The following MCTP2 variants were observed in gnomAD, a reference collection of about 807,000 sequenced individuals.
The protein encoded by MCTP2 is multiple C2 and transmembrane domain-containing protein 2.
Under a neutral mutation model 111.6 loss-of-function variants are expected in MCTP2, and 132 were observed. The observed-to-expected ratio is 1.18, with a 90% CI of 1.03 to 1.37. MCTP2 has a LOEUF of 1.37. Ranked by LOEUF, MCTP2 falls within the 40% of genes most tolerant of loss-of-function variation. The probability of loss-of-function intolerance (pLI) is 0.00; values close to 1 mark genes in which losing one functional copy is unlikely to be tolerated. For missense variants in MCTP2, 1,183 were observed against 1,067.9 expected, an observed-to-expected ratio of 1.11 and a Z score of -1.50; for synonymous variants, 395 against 387.7, an observed-to-expected ratio of 1.02 and a Z score of -0.22.
chr15:94,455,713 C>CCATG (rs2084788581), intron 19 of MCTP2, among the ~76,000 whole-genome samples: 1 of 152,312 alleles, frequency 6.6e-6, no homozygotes, highest in Non-Finnish European at 1.5e-5. Flanking sequence ...GCGTGAGCCA[C>CCATG]CATGCCCAGC....
intron 19 of MCTP2, among the ~76,000 whole-genome samples, chr15:94,447,046 A>ATT (rs1444223015): frequency 1.3e-5 from 2 of 152,230 alleles, no homozygotes; most frequent in Admixed American, 1.3e-4. Context: ...CATCATTAAA[A>ATT]TTTAAGTACA....
At chr15:94,370,210 CTTTA>C in intron 12 of MCTP2, 30 bp downstream of exon 12, 3 of 1,551,158 alleles carry the variant, frequency 1.9e-6, no homozygotes, top group Non-Finnish European at 2.6e-6. Flanking sequence ...TCTAATTTAT[CTTTA>C]TTTATTTCCT....
At chr15:94,390,098 A>ATATG (rs796755565) in intron 14 of MCTP2, among the ~76,000 whole-genome samples, 8,136 of 34,144 alleles carry the variant, frequency 0.24, 793 homozygotes, top group Admixed American at 0.39. Flanking sequence ...ATGTATATAT[A>ATATG]TATATATATA....
chr15:94,424,187 TG>T (rs1419031895), intron 17 of MCTP2, among the ~76,000 whole-genome samples: 2 of 152,238 alleles, frequency 1.3e-5, no homozygotes, highest in Non-Finnish European at 2.9e-5. Flanking sequence ...GTATCGTTTT[TG>T]ATATTCATCT....
At chr15:94,470,228 TAA>T in intron 20 of MCTP2, 103 bp from the exon 21 acceptor site, 1 of 886,026 alleles carries the variant, frequency 1.1e-6, no homozygotes, top group Non-Finnish European at 1.8e-6. Context: ...CAATAGACTG[TAA>T]AAAAAATTTC....
chr15:94,467,270 A>AAAGAGTGGGTTTTGTTGC (rs2073432026), intron 20 of MCTP2, among the ~76,000 whole-genome samples: 2 of 152,260 alleles, frequency 1.3e-5, no homozygotes, highest in African/African-American at 4.8e-5. Context: ...CAGGGTGAAA[A>AAAGAGTGGGTTTTGTTGC]AAGAGTGGGT....
rs772155714 is a variant in MCTP2, at chr15:94,298,684, A to G, written c.419A>G (p.Asp140Gly). Residue 140 changes from aspartate to glycine, a missense_variant, in exon 2 of 23, where the codon GAT (aspartate) becomes GGT (glycine). By Grantham distance (94) the Asp-to-Gly change is moderately conservative. Coordinates refer to ENST00000357742, the MANE Select transcript of MCTP2 (RefSeq NM_001385001.1). ...RRRVSSNGIF[D>G]LQKTSLGGDA... ...CGGGTGTCCAGCAACGGCATCTTTG[A>G]TCTTCAGAAAACTTCCCTTGGAGGG... 3 of 1,613,104 alleles carry G rather than the reference A, an allele frequency of 1.9e-6. No homozygotes were observed. The highest frequency in any genetic ancestry group is 2.5e-6 in the Non-Finnish European group (3 of 1,179,736).
intron 19 of MCTP2, among the ~76,000 whole-genome samples, chr15:94,454,895 A>G (rs1596772705): frequency 6.6e-6 from 1 of 152,104 alleles, no homozygotes; most frequent in Admixed American, 6.5e-5. Flanking sequence ...ATCTTGCCTC[A>G]CCGCAACCTC....
intron 1 of MCTP2, among the ~76,000 whole-genome samples, chr15:94,236,407 C>T (rs1048675251): frequency 3.2e-4 from 14 of 44,416 alleles, no homozygotes; most frequent in East Asian, 7.6e-4. Flanking sequence ...TTTTTTTTTA[C>T]GAAATAGCCC....
intron 8 of MCTP2, 109 bp downstream of exon 8, chr15:94,345,273 T>C (rs1013195728): frequency 2.7e-6 from 3 of 1,107,580 alleles, no homozygotes; most frequent in South Asian, 1.4e-5. Flanking sequence ...TCAAACAGAA[T>C]TCTTTTCCTC....
chr15:94,462,283 G>A (rs952102663), intron 20 of MCTP2, among the ~76,000 whole-genome samples: 2 of 152,208 alleles, frequency 1.3e-5, no homozygotes, highest in African/African-American at 4.8e-5. Context: ...AGCTCATGTG[G>A]TTGAATGAAT....
intron 2 of MCTP2, among the ~76,000 whole-genome samples, chr15:94,307,275 G>C (rs1424836238): frequency 6.6e-6 from 1 of 152,178 alleles, no homozygotes; most frequent in Admixed American, 6.5e-5. Context: ...AGGTGCTGGG[G>C]GGGAGGTGTT....
At chr15:94,251,499 C>T (rs561195491) in intron 1 of MCTP2, among the ~76,000 whole-genome samples, 2 of 152,040 alleles carry the variant, frequency 1.3e-5, no homozygotes, top group East Asian at 3.9e-4. Flanking sequence ...GCTAGGATTA[C>T]AGGTGCCCGC....
intron 1 of MCTP2, among the ~76,000 whole-genome samples, chr15:94,292,668 G>A (rs2075087019): frequency 6.6e-6 from 1 of 152,186 alleles, no homozygotes; most frequent in Non-Finnish European, 1.5e-5. Context: ...ACTAAACATA[G>A]TAAATATGTC....
At chr15:94,316,600 A>G (rs1427194962) in intron 4 of MCTP2, among the ~76,000 whole-genome samples, 1 of 152,198 alleles carries the variant, frequency 6.6e-6, no homozygotes, top group African/African-American at 2.4e-5. Flanking sequence ...AACGTCCAGT[A>G]TTCAATTGAG....
chr15:94,417,520 T>C (rs1395773603), intron 17 of MCTP2, among the ~76,000 whole-genome samples: 6 of 152,120 alleles, frequency 3.9e-5, no homozygotes, highest in South Asian at 4.1e-4. Flanking sequence ...CGTGTGTGTG[T>C]GCGCACATGT....
chr15:94,375,077 T>C (rs534635596), intron 12 of MCTP2, among the ~76,000 whole-genome samples: 2 of 152,312 alleles, frequency 1.3e-5, no homozygotes, highest in South Asian at 4.1e-4. Context: ...CAGCTTCTGC[T>C]TCTTGGGAAG....
intron 1 of MCTP2, among the ~76,000 whole-genome samples, chr15:94,274,861 A>G (rs2074104758): frequency 6.6e-6 from 1 of 152,192 alleles, no homozygotes; most frequent in Non-Finnish European, 1.5e-5. Flanking sequence ...TATGGTTTCT[A>G]CCAAAACATC....
chr15:94,340,979 C>A, intron 7 of MCTP2, 55 bp downstream of exon 7: 1 of 1,121,620 alleles, frequency 8.9e-7, no homozygotes, highest in Non-Finnish European at 1.4e-6. Context: ...TTTGAAATGG[C>A]TCATTGCAAT....
Sources: gnomAD v4.1 joint callset for allele counts (sites outside exome capture counted in the v4.1 genomes callset) on GRCh38, gnomAD v4.1.1 for gene constraint, MANE v1.5 for transcripts, NCBI Gene and HGNC (gene_info 2026-07-23, HGNC 2026-07-21) for gene names.